The following MTREX variants were observed in gnomAD, a reference collection of about 807,000 sequenced individuals.
The protein encoded by MTREX is exosome RNA helicase MTR4.
MTREX carries 76 observed loss-of-function variants against 135.4 expected under a neutral mutation model. The observed-to-expected ratio is 0.56, with a 90% CI of 0.47 to 0.68. MTREX has a LOEUF of 0.68. MTREX is among the 30% of genes least tolerant of loss of function. MTREX has a pLI of 0.00. For synonymous variants in MTREX, 404 were observed against 401.6 expected, an observed-to-expected ratio of 1.01 and a Z score of -0.07; for missense variants, 920 against 1,262.1, an observed-to-expected ratio of 0.73 and a Z score of 4.11.
At chr5:55,357,778 G>GA (rs1749945011) in intron 14 of MTREX, among the ~76,000 whole-genome samples, 1 of 152,136 alleles carries the variant, frequency 6.6e-6, no homozygotes, top group Admixed American at 6.5e-5. Context: ...TGCACTTACA[G>GA]AAAAAACTTT....
At chr5:55,337,476 T>C (rs1749571800) in intron 5 of MTREX, among the ~76,000 whole-genome samples, 1 of 152,108 alleles carries the variant, frequency 6.6e-6, no homozygotes, top group Non-Finnish European at 1.5e-5. Context: ...GATAATTCTT[T>C]ATGTTTAATG....
intron 2 of MTREX, among the ~76,000 whole-genome samples, chr5:55,323,183 T>A (rs1749316231): frequency 6.6e-6 from 1 of 152,228 alleles, no homozygotes; most frequent in South Asian, 2.1e-4. Flanking sequence ...GATGCACCAT[T>A]TTCCCAGGCT....
intron 21 of MTREX, chr5:55,405,115 C>T (rs759919813): frequency 1.0e-4 from 19 of 186,044 alleles, no homozygotes; most frequent in Non-Finnish European, 2.1e-4. Context: ...CTGTCTCAAG[C>T]TTTTTACACT....
At chr5:55,322,078 T>A (rs1749298245) in intron 1 of MTREX, among the ~76,000 whole-genome samples, 2 of 152,196 alleles carry the variant, frequency 1.3e-5, no homozygotes, top group South Asian at 4.1e-4. Context: ...ATATATTTAA[T>A]AGTTATGTTA....
chr5:55,421,383 A>G (rs1196437105), intron 25 of MTREX, among the ~76,000 whole-genome samples: 1 of 152,224 alleles, frequency 6.6e-6, no homozygotes, highest in African/African-American at 2.4e-5. Context: ...TCTGTGGGCA[A>G]CAACCACAGT....
At chr5:55,335,188 G>A (rs1749535363) in intron 5 of MTREX, among the ~76,000 whole-genome samples, 1 of 151,956 alleles carries the variant, frequency 6.6e-6, no homozygotes, top group Non-Finnish European at 1.5e-5. Context: ...TCTTAATTGC[G>A]TTGTAAGAAG....
At chr5:55,332,879 A>G (rs903141892) in intron 5 of MTREX, among the ~76,000 whole-genome samples, 5 of 152,178 alleles carry the variant, frequency 3.3e-5, no homozygotes, top group Non-Finnish European at 7.4e-5. Flanking sequence ...TTAACAGGTT[A>G]TCTTATCTAT....
intron 16 of MTREX, among the ~76,000 whole-genome samples, chr5:55,368,219 G>A (rs979782617): frequency 6.6e-6 from 1 of 152,134 alleles, no homozygotes; most frequent in Non-Finnish European, 1.5e-5. Flanking sequence ...CGAGGCCCAG[G>A]GGGGCAGATA....
intron 2 of MTREX, 98 bp downstream of exon 2, chr5:55,322,562 C>T (rs1749306359): frequency 1.0e-5 from 8 of 777,518 alleles, no homozygotes; most frequent in Non-Finnish European, 1.4e-5. Context: ...GATATATGCC[C>T]GTATTAGAGA....
chr5:55,387,724 GAC>G (rs1408065887), intron 18 of MTREX, among the ~76,000 whole-genome samples: 1 of 152,070 alleles, frequency 6.6e-6, no homozygotes, highest in Non-Finnish European at 1.5e-5. Context: ...AACATTCTGT[GAC>G]ACACTTGACA....
At chr5:55,400,986 G>A (rs1750714872) in intron 21 of MTREX, among the ~76,000 whole-genome samples, 1 of 152,146 alleles carries the variant, frequency 6.6e-6, no homozygotes. Flanking sequence ...GCATAAATCA[G>A]TACTTCATTC....
chr5:55,357,782 A>G (rs559932704), intron 14 of MTREX, among the ~76,000 whole-genome samples: 42 of 152,260 alleles, frequency 2.8e-4, no homozygotes, highest in Admixed American at 2.2e-3. Flanking sequence ...CTTACAGAAA[A>G]AACTTTGTCC....
intron 7 of MTREX, among the ~76,000 whole-genome samples, chr5:55,342,439 A>G (rs908171443): frequency 6.6e-6 from 1 of 152,350 alleles, no homozygotes; most frequent in African/African-American, 2.4e-5. Context: ...TTCAGTAACT[A>G]TGAAATATGT....
At chr5:55,412,829 T>G (rs1200052090) in intron 23 of MTREX, among the ~76,000 whole-genome samples, 1 of 152,190 alleles carries the variant, frequency 6.6e-6, no homozygotes. Context: ...TTTCGCAGTC[T>G]TGGGTTCTTT....
Position 55,424,948 on chromosome 5 carries a change from A to C in MTREX, c.*176A>C, listed in dbSNP as rs1242401311. ...ATACATGTTTATACATAAGCATTAC[A>C]TTTTTTTAATAAAAATGTATACAGG... On this transcript the variant is annotated 3_prime_UTR_variant, in exon 27 of 27. Coordinates refer to ENST00000230640, the MANE Select transcript of MTREX (RefSeq NM_015360.5). 1.6e-6 allele frequency: 1 copy of C among 638,072 alleles called. No individual in the cohort carries two copies. The highest frequency in any genetic ancestry group is 2.6e-6 in the Non-Finnish European group (1 of 377,430). The allele number at this position is 638,072 out of a possible 1,614,324, so 39.5% of individuals were successfully genotyped here. A position where few individuals can be genotyped will look rare whatever the true frequency, so the allele number is the denominator to read the frequency against.
At chr5:55,317,527 G>C (rs1749218817) in intron 1 of MTREX, among the ~76,000 whole-genome samples, 1 of 152,140 alleles carries the variant, frequency 6.6e-6, no homozygotes, top group Non-Finnish European at 1.5e-5. Flanking sequence ...GAAGCAGTGG[G>C]GAAAAGACTC....
At chr5:55,322,837 C>T (rs1044671499) in intron 2 of MTREX, among the ~76,000 whole-genome samples, 5 of 152,102 alleles carry the variant, frequency 3.3e-5, no homozygotes, top group Non-Finnish European at 7.4e-5. Flanking sequence ...AACATTAGAG[C>T]GAATTAGATT....
At chr5:55,312,279 T>A (rs970425114) in intron 1 of MTREX, among the ~76,000 whole-genome samples, 2 of 152,252 alleles carry the variant, frequency 1.3e-5, no homozygotes, top group African/African-American at 2.4e-5. Flanking sequence ...CTTGATCCTT[T>A]AACAATTTTT....
intron 1 of MTREX, among the ~76,000 whole-genome samples, chr5:55,311,032 T>C (rs1024147763): frequency 1.3e-5 from 2 of 152,166 alleles, no homozygotes; most frequent in African/African-American, 4.8e-5. Flanking sequence ...TCCTCCCACC[T>C]TGGCCTCTGA....
Sources: gnomAD v4.1 joint callset for allele counts (sites outside exome capture counted in the v4.1 genomes callset) on GRCh38, gnomAD v4.1.1 for gene constraint, MANE v1.5 for transcripts, NCBI Gene and HGNC (gene_info 2026-07-23, HGNC 2026-07-21) for gene names.